The following UNC79 variants were observed in gnomAD, a reference collection of about 807,000 sequenced individuals.
UNC79 encodes the protein unc-79 subunit of NALCN channel complex.
In UNC79, 37 loss-of-function variants were observed where a neutral mutation model predicts 283.1. The observed-to-expected ratio is 0.13, with a 90% CI of 0.10 to 0.17. UNC79 has a LOEUF of 0.17. Among genes scored for constraint, UNC79 ranks in the 10% least tolerant of loss-of-function variants. The pLI, the probability that UNC79 is intolerant of heterozygous loss-of-function variation, is 1.00. For missense variants in UNC79, 2,272 were observed against 3,211.1 expected (o/e 0.71, Z 7.07); for synonymous variants, 1,107 against 1,200.2 (o/e 0.92, Z 1.61).
chr14:93,637,472 G>A (rs2068609256), intron 32 of UNC79, 173 bp downstream of exon 35: 3 of 1,148,632 alleles, frequency 2.6e-6, no homozygotes, highest in Non-Finnish European at 3.6e-6. Context: ...CTTTGAACAT[G>A]GCCAACAGTT....
At chr14:93,339,690 T>C (rs139215246) in intron 1 of UNC79, among the ~76,000 whole-genome samples, 1 of 152,366 alleles carries the variant, frequency 6.6e-6, no homozygotes, top group East Asian at 1.9e-4. Flanking sequence ...TCACAGACTT[T>C]TCCTTGAAAG....
rs1453638434 is a variant in UNC79 at position 93,578,298 on chromosome 14, T to A, written c.2433+235T>A. 2.0e-5 allele frequency among the ~76,000 whole-genome samples: 3 copies of A among 152,184 alleles called. No homozygotes were observed. The East Asian group carries it at 5.8e-4, about 29-fold the overall frequency. On this transcript the variant is annotated intron_variant, in intron 18 of 48. Transcript: ENST00000555664. ...ATTGAATTTTAGAAACACCCTAGTG[T>A]CATTAGAATTGATTCTGTTAAATAA...
Position 93,467,662 on chromosome 14 carries a change from T to TTTTTTTTA in UNC79, c.23-7_23-6insTTTTTATT. The TTTTTTTTA allele has an allele frequency of 8.0e-7, 1 of 1,244,300 alleles. No homozygotes were observed. The highest frequency in any genetic ancestry group is 1.0e-6 in the Non-Finnish European group (1 of 997,804). The allele number at this position is 1,244,300 out of a possible 1,614,324, so 77.1% of individuals were successfully genotyped here. Reference sequence around the variant, plus strand: ...TTTTTTTTTTTTTTTTTTTTTTGCTTTTATCTAGTTGCTTCCAAGATCCGG... The same window carrying TTTTTTTTA: ...TTTTTTTTTTTTTTTTTTTTTTGCTTTTTTTTTATTATCTAGTTGCTTCCAAGATCCGG... On this transcript the variant is annotated splice_polypyrimidine_tract_variant and intron_variant, in intron 1 of 48. Coordinates refer to ENST00000555664, the Ensembl canonical transcript of UNC79.
At chr14:93,368,739 G>A (rs1055285352) in intron 1 of UNC79, among the ~76,000 whole-genome samples, 3 of 152,080 alleles carry the variant, frequency 2.0e-5, no homozygotes, top group Non-Finnish European at 4.4e-5. Context: ...TCCAAAGTGC[G>A]GGGATTACAG....
chr14:93,544,304 T>G (rs574771272), intron 14 of UNC79, among the ~76,000 whole-genome samples: 2 of 152,284 alleles, frequency 1.3e-5, no homozygotes, highest in South Asian at 4.1e-4. Context: ...ATATCAAACT[T>G]AACAAAAGGT....
intron 41 of UNC79, 86 bp downstream of exon 44, chr14:93,673,541 A>ATATTTAGTTCTATGC: frequency 1.9e-6 from 2 of 1,040,516 alleles, no homozygotes; most frequent in Non-Finnish European, 2.8e-6. Flanking sequence ...GTATGCATAG[A>ATATTTAGTTCTATGC]ACTAAATATC....
chr14:93,532,248 C>T (rs1202780728), intron 10 of UNC79, among the ~76,000 whole-genome samples: 1 of 147,016 alleles, frequency 6.8e-6, no homozygotes, highest in Non-Finnish European at 1.5e-5. Context: ...AGGAGGGTTG[C>T]TTGTGGCCAG....
At chr14:93,530,647 C>A (rs769761405) in intron 10 of UNC79, among the ~76,000 whole-genome samples, 6 of 151,748 alleles carry the variant, frequency 4.0e-5, no homozygotes, top group Non-Finnish European at 8.8e-5. Context: ...CGGTGGCTCA[C>A]GCCTGTAATC....
chr14:93,439,457 T>C (rs984792940), intron 1 of UNC79, among the ~76,000 whole-genome samples: 2 of 152,110 alleles, frequency 1.3e-5, no homozygotes, highest in Middle Eastern at 3.2e-3. Flanking sequence ...TTGCTTCCTC[T>C]CTTAACTTTA....
At chr14:93,471,510 GA>G (rs2057504129) in intron 2 of UNC79, among the ~76,000 whole-genome samples, 4 of 151,944 alleles carry the variant, frequency 2.6e-5, no homozygotes, top group African/African-American at 9.7e-5. Flanking sequence ...AGAACTGTGG[GA>G]AAGAATTTCA....
chr14:93,659,867 C>T lies in UNC79; in HGVS notation c.6525+606C>T, dbSNP rs536552552. The stretch of plus-strand genomic sequence containing the variant: ...TTCCTTTGCCTGAAATGTTTTATGC[C>T]CTTGCTGGTGTGGTGAACTCCTTCT... On this transcript the variant is annotated intron_variant, in intron 39 of 48. Transcript: ENST00000555664. 1.8e-4 allele frequency among the ~76,000 whole-genome samples: 27 copies of T among 152,204 alleles called. No homozygotes were observed. In the South Asian group the frequency reaches 5.6e-3, roughly 32 times the overall value.
intron 1 of UNC79, among the ~76,000 whole-genome samples, chr14:93,339,122 C>T (rs937082720): frequency 6.6e-6 from 1 of 151,942 alleles, no homozygotes; most frequent in Admixed American, 6.6e-5. Context: ...ATAAGTAATG[C>T]CATCTTAGAA....
intron 1 of UNC79, among the ~76,000 whole-genome samples, chr14:93,435,632 G>A (rs2056057676): frequency 6.6e-6 from 1 of 152,084 alleles, no homozygotes; most frequent in Non-Finnish European, 1.5e-5. Context: ...TTCCAACCTT[G>A]TACTTCTTTT....
intron 1 of UNC79, among the ~76,000 whole-genome samples, chr14:93,394,542 C>A (rs2140014333): frequency 6.6e-6 from 1 of 151,684 alleles, no homozygotes; most frequent in South Asian, 2.1e-4. Context: ...TCCTGAGTAG[C>A]TGGGATTACA....
At chr14:93,524,499 G>A (rs2060460775) in intron 8 of UNC79, among the ~76,000 whole-genome samples, 1 of 152,170 alleles carries the variant, frequency 6.6e-6, no homozygotes, top group Non-Finnish European at 1.5e-5. Context: ...ACTGAAAGGT[G>A]TCTGGACAGC....
intron 42 of UNC79, among the ~76,000 whole-genome samples, chr14:93,684,784 A>G (rs556045740): frequency 6.6e-6 from 1 of 152,306 alleles, no homozygotes; most frequent in East Asian, 1.9e-4. Context: ...TAATCTAAGA[A>G]ATGTAACTTT....
exon 21 of UNC79, chr14:93,586,610 A>G: frequency 6.2e-7 from 1 of 1,613,810 alleles, no homozygotes. Context: ...AAAGAATGAT[A>G]CCGAAAGAAA....
At chr14:93,435,958 G>C (rs920886271) in intron 1 of UNC79, among the ~76,000 whole-genome samples, 8 of 151,994 alleles carry the variant, frequency 5.3e-5, no homozygotes, top group African/African-American at 1.9e-4. Flanking sequence ...CTCCCTATAT[G>C]CCCTATTTGT....
chr14:93,579,464 T>C (rs896257467), intron 18 of UNC79, among the ~76,000 whole-genome samples: 1 of 152,246 alleles, frequency 6.6e-6, no homozygotes, highest in East Asian at 1.9e-4. Context: ...ATTCTACTGA[T>C]GGAATACTTT....
Sources: gnomAD v4.1 joint callset for allele counts (sites outside exome capture counted in the v4.1 genomes callset) on GRCh38, gnomAD v4.1.1 for gene constraint, MANE v1.5 for transcripts, NCBI Gene and HGNC (gene_info 2026-07-23, HGNC 2026-07-21) for gene names.